Variants in ZNF281 observed in about 807,000 individuals in gnomAD.
ZNF281 encodes zinc finger protein 281.
A neutral mutation model predicts 58.8 loss-of-function variants in ZNF281; 2 were observed. The observed-to-expected ratio is 0.03, with a 90% confidence interval of 0.01 to 0.11. The LOEUF (loss-of-function observed/expected upper bound fraction) is 0.11, where lower values mean the gene tolerates loss of function less well. Among genes scored for constraint, ZNF281 ranks in the 10% least tolerant of loss-of-function variants. ZNF281 has a pLI of 1.00. For missense variants in ZNF281, 975 were observed against 1,090.7 expected, an observed-to-expected ratio of 0.89 and a Z score of 1.49; for synonymous variants, 465 against 407.7, an observed-to-expected ratio of 1.14 and a Z score of -1.69.
In ZNF281 at chr1:200,407,647, C is replaced by T; in HGVS notation, c.2059G>A (p.Gly687Arg). ...AAACTGACAAATTGGAAACCGTGTC[C>T]AAGAGTAAAACTTGCATTAGTGGAT... ...EKSTNASFTL[G>R]HGFQFVSLSS... The change falls in exon 2 of 2, where the codon GGA becomes AGA. Residue 687 changes from glycine to arginine, a missense_variant. By Grantham distance (125) the Gly-to-Arg change is moderately radical. Coordinates refer to ENST00000367353, the MANE Select transcript of ZNF281 (RefSeq NM_001281293.2). 6.2e-7 allele frequency: 1 copy of T among 1,614,136 alleles called. No individual in the cohort carries two copies.
Position 200,406,718 on chromosome 1 carries a change from G to A in ZNF281, c.*300C>T, listed in dbSNP as rs3204322. 7 of 154,186 alleles carry A rather than the reference G, an allele frequency of 4.5e-5. No homozygotes were observed. Among genetic ancestry groups the A allele is most frequent in the Admixed American group, 7.8e-5 (1 of 12,872 alleles). The allele number at this position is 154,186 out of a possible 1,614,324, so 9.6% of individuals were successfully genotyped here. ...GGTTTTTTTTTTTTGGTTTTTTTTT[G>A]TCTTTTTTTTTGCGTTTAAAACATT... On this transcript the variant is annotated 3_prime_UTR_variant, in exon 2 of 2. Transcript: ENST00000367353.
chr1:200,406,895 A>C lies in ZNF281; in HGVS notation c.*123T>G. 1 of 858,740 alleles carries C rather than the reference A, an allele frequency of 1.2e-6. No homozygotes were observed. The highest frequency in any genetic ancestry group is 1.7e-6 in the Non-Finnish European group (1 of 586,600). 53.2% of individuals were successfully genotyped at this position (858,740 alleles called of 1,614,324 possible). A position where few individuals can be genotyped will look rare whatever the true frequency, so the allele number is the denominator to read the frequency against. ...CTAACAAAATAAACTAAATATGAAA[A>C]GTTGCATTGAAAGGGCATCACATTA... On this transcript the variant is annotated 3_prime_UTR_variant, in exon 2 of 2. Transcript: ENST00000367353.
chr1:200,406,952 T>A lies in ZNF281; in HGVS notation c.*66A>T. 1 of 1,455,760 alleles carries A rather than the reference T, an allele frequency of 6.9e-7. No individual in the cohort carries two copies. Among genetic ancestry groups the A allele is most frequent in the Non-Finnish European group, 9.2e-7 (1 of 1,086,686 alleles). 90.2% of individuals were successfully genotyped at this position (1,455,760 alleles called of 1,614,324 possible). ...ATAGGATCGTGTAGAAACATTCCAA[T>A]GGCAGTGTTCTCAAAATAAAACAAA... is the stretch of plus-strand genomic sequence containing the variant. On this transcript the variant is annotated 3_prime_UTR_variant, in exon 2 of 2. Coordinates refer to ENST00000367353, the MANE Select transcript of ZNF281 (RefSeq NM_001281293.2).
Position 200,407,275 on chromosome 1 carries a change from C to G in ZNF281, c.2431G>C (p.Ala811Pro). The change falls in exon 2 of 2, where the codon GCT (alanine) becomes CCT (proline). Residue 811 changes from alanine (A) to proline (P), a missense_variant. Around this residue, in one of 3 missense-constraint regions of ZNF281, gnomAD observed 579 missense variants for 608.9 expected, o/e 0.95. Transcript: ENST00000367353. Reference sequence around the variant, plus strand: ...TCTTTCTGAGGATCTATCTGGCTAGCTAACTCCTGAGATGGAATCTGAAAG... The same window carrying G: ...TCTTTCTGAGGATCTATCTGGCTAGGTAACTCCTGAGATGGAATCTGAAAG... ...TGFQIPSQELASQIDPQKDIE... is the reference protein window; with the variant it reads ...TGFQIPSQELPSQIDPQKDIE... 6.2e-7 allele frequency: 1 copy of G among 1,614,190 alleles called. No individual in the cohort carries two copies. The highest frequency in any genetic ancestry group is 2.2e-5 in the East Asian group (1 of 44,884).
chr1:200,405,152 T>C lies in ZNF281; in HGVS notation c.*1866A>G, dbSNP rs1290436376. 2.0e-5 allele frequency: 3 copies of C among 152,512 alleles called. No individual in the cohort carries two copies. Among genetic ancestry groups the C allele is most frequent in the Admixed American group, 6.5e-5 (1 of 15,278 alleles). The allele number at this position is 152,512 out of a possible 1,614,324, so 9.4% of individuals were successfully genotyped here. ...ATTACAGCTTGTACTCTGTACTCAA[T>C]AGAACTTACCGCACTTACTGAAATA... On this transcript the variant is annotated 3_prime_UTR_variant, in exon 2 of 2. Transcript: ENST00000367353.
chr1:200,408,203 G>A lies in ZNF281; in HGVS notation c.1503C>T (p.Gly501=), dbSNP rs775474114. 25 of 1,613,190 alleles carry A rather than the reference G, an allele frequency of 1.5e-5. No individual in the cohort carries two copies. Among genetic ancestry groups the A allele is most frequent in the Non-Finnish European group, 5.9e-6 (7 of 1,180,006 alleles). The change falls in exon 2 of 2, where the codon GGC becomes GGT. Residue 501 remains glycine, a synonymous_variant. Coordinates refer to ENST00000367353, the MANE Select transcript of ZNF281 (RefSeq NM_001281293.2). The stretch of plus-strand genomic sequence containing the variant: ...TATTATTTGATACTATGCCAAGTGA[G>A]CCACTTGGTTTTCCAGACAAGGATT... ...GQKSLSGKPS[G]SLGIVSNNSV... is the part of the protein sequence containing the mutation.
chr1:200,408,404 C>A lies in ZNF281; in HGVS notation c.1302G>T (p.Met434Ile), dbSNP rs764422718. 6 of 1,614,020 alleles carry A rather than the reference C, an allele frequency of 3.7e-6. No individual in the cohort carries two copies. Among genetic ancestry groups the A allele is most frequent in the Non-Finnish European group, 5.1e-6 (6 of 1,180,028 alleles). Reference sequence around the variant, plus strand: ...TAGGCATTTCTACTGAGTAACTCTGCATGTTTATATTATTTGAAATTTGCG... The same window carrying A: ...TAGGCATTTCTACTGAGTAACTCTGAATGTTTATATTATTTGAAATTTGCG... ...NESQISNNIN[M>I]QSYSVEMPTV... Residue 434 changes from methionine to isoleucine, a missense_variant, in exon 2 of 2, where the codon ATG becomes ATT. This residue lies in a region of ZNF281 where 579 missense variants were observed against 608.9 expected (regional missense o/e 0.95). Transcript: ENST00000367353.
chr1:200,406,381 C>G lies in ZNF281; in HGVS notation c.*637G>C, dbSNP rs533978052. ...CTGGAATGAATGTGGTTTGGAAGTT[C>G]AGAGTACATTTAAAAGCTGCAACAA... On this transcript the variant is annotated 3_prime_UTR_variant, in exon 2 of 2. Transcript: ENST00000367353. 29 of 152,436 alleles carry G rather than the reference C, an allele frequency of 1.9e-4. No homozygotes were observed. Among genetic ancestry groups the G allele is most frequent in the African/African-American group, 7.0e-4 (29 of 41,418 alleles). 9.4% of individuals were successfully genotyped at this position (152,436 alleles called of 1,614,324 possible). A position where few individuals can be genotyped will look rare whatever the true frequency, so the allele number is the denominator to read the frequency against.
Position 200,407,210 on chromosome 1 carries a change from T to C in ZNF281, c.2496A>G (p.Ala832=). 1 of 1,614,228 alleles carries C rather than the reference T, an allele frequency of 6.2e-7. No homozygotes were observed. Among genetic ancestry groups the C allele is most frequent in the South Asian group, 1.1e-5 (1 of 91,088 alleles). The part of the protein sequence containing the change: ...PRTTYQIENF[A]QAFGSQFKSG... ...ACTTAAACTGAGAACCAAACGCTTG[T>C]GCAAAGTTCTCAATCTGATACGTTG... The change falls in exon 2 of 2, where the codon GCA becomes GCG. Residue 832 remains alanine, a synonymous_variant. Coordinates refer to ENST00000367353, the MANE Select transcript of ZNF281 (RefSeq NM_001281293.2).
rs1233364565 is a variant in ZNF281 at position 200,405,184 on chromosome 1, A to G, written c.*1834T>C. 6.6e-6 allele frequency: 1 copy of G among 152,384 alleles called. No individual in the cohort carries two copies. The highest frequency in any genetic ancestry group is 2.4e-5 in the African/African-American group (1 of 41,446). 9.4% of individuals were successfully genotyped at this position (152,384 alleles called of 1,614,324 possible). The stretch of plus-strand genomic sequence containing the variant: ...TACCGCACTTACTGAAATAAGAAAT[A>G]AACACTTTTTAGTACTCAGCGTATT... On this transcript the variant is annotated 3_prime_UTR_variant, in exon 2 of 2. Coordinates refer to ENST00000367353, the MANE Select transcript of ZNF281 (RefSeq NM_001281293.2).
rs762056916 is a variant in ZNF281, at chr1:200,408,830, G to C, written c.876C>G (p.Ser292Arg). The C allele has an allele frequency of 1.4e-5, 22 of 1,614,056 alleles. No homozygotes were observed. The highest frequency in any genetic ancestry group is 1.8e-5 in the Non-Finnish European group (21 of 1,180,042). The change falls in exon 2 of 2, where the codon AGC becomes AGG. Residue 292 changes from serine to arginine, a missense_variant. By Grantham distance (110) the Ser-to-Arg change is moderately radical (BLOSUM62 -1). Coordinates refer to ENST00000367353, the MANE Select transcript of ZNF281 (RefSeq NM_001281293.2). ...TCTGAATGAAACCCATACTACACTG[G>C]CTGCACTGGAAAGGTCTTTCTCCTG... ...IHTGERPFQC[S>R]QCSMGFIQKY...
rs938776961 is a variant in ZNF281 at position 200,405,470 on chromosome 1, G to A, written c.*1548C>T. The A allele has an allele frequency of 2.6e-5, 4 of 152,030 alleles. No homozygotes were observed. The highest frequency in any genetic ancestry group is 4.8e-5 in the African/African-American group (2 of 41,370). 9.4% of individuals were successfully genotyped at this position (152,030 alleles called of 1,614,324 possible). ...AAACAACCAGTGGTACTTTTCTGACGTCAGAAGAGTACATAAGACTGAAAC... is the reference window on the plus strand; with the variant it reads ...AAACAACCAGTGGTACTTTTCTGACATCAGAAGAGTACATAAGACTGAAAC... On this transcript the variant is annotated 3_prime_UTR_variant, in exon 2 of 2. Coordinates refer to ENST00000367353, the MANE Select transcript of ZNF281 (RefSeq NM_001281293.2).
chr1:200,409,432 G>C lies in ZNF281; in HGVS notation c.274C>G (p.Pro92Ala), dbSNP rs774579656. ...AAAGTCATGTCCGGGGCTGGCGGAGGGGGGGGCTCAGCGGCCGGGGCTGCG... is the reference window on the plus strand; with the variant it reads ...AAAGTCATGTCCGGGGCTGGCGGAGCGGGGGGCTCAGCGGCCGGGGCTGCG... ...TSAAPAAEPP[P>A]PPAPDMTFKK... is the part of the protein sequence containing the mutation. Residue 92 changes from proline to alanine, a missense_variant, in exon 2 of 2, where the codon CCT (proline) becomes GCT (alanine). Around this residue, in one of 3 missense-constraint regions of ZNF281, gnomAD observed 370 missense variants for 360.9 expected, o/e 1.03. Coordinates refer to ENST00000367353, the MANE Select transcript of ZNF281 (RefSeq NM_001281293.2). The C allele has an allele frequency of 6.3e-5, 96 of 1,523,072 alleles. No homozygotes were observed. The highest frequency in any genetic ancestry group is 3.5e-4 in the Middle Eastern group (2 of 5,688). The allele number at this position is 1,523,072 out of a possible 1,614,324, so 94.3% of individuals were successfully genotyped here. A position where few individuals can be genotyped will look rare whatever the true frequency, so the allele number is the denominator to read the frequency against.
At position 200,407,067 on chromosome 1, in the gene ZNF281, T is replaced by G. The variant is rs759053877; in HGVS notation, c.2639A>C (p.Glu880Ala). 13 of 1,613,942 alleles carry G rather than the reference T, an allele frequency of 8.1e-6. No individual in the cohort carries two copies. The highest frequency in any genetic ancestry group is 1.3e-5 in the African/African-American group (1 of 74,916). The change falls in exon 2 of 2, where the codon GAG (glutamate) becomes GCG (alanine). Residue 880 changes from glutamate (E) to alanine (A), a missense_variant. By Grantham distance (107) the Glu-to-Ala change is moderately radical. Coordinates refer to ENST00000367353, the MANE Select transcript of ZNF281 (RefSeq NM_001281293.2). ...TGTCTTTACTCTTGTACTACATGGC[T>G]CACTTACATCAGACATCATATTTGT... ...GYTNMMSDVSEPCSTRVKTPT... is the reference protein window; with the variant it reads ...GYTNMMSDVSAPCSTRVKTPT...
At position 200,409,065 on chromosome 1, in the gene ZNF281, T is replaced by C; in HGVS notation, c.641A>G (p.Gln214Arg). ...DDHHGTEEPK[Q>R]DTNVKKAKRP... ...TTTTGCCTTTTTGACATTAGTGTCC[T>C]GCTTTGGCTCCTCAGTGCCATGGTG... Residue 214 changes from glutamine to arginine, a missense_variant, in exon 2 of 2, where the codon CAG (glutamine) becomes CGG (arginine). Gln to Arg is a conservative substitution (Grantham distance 43, BLOSUM62 1). Transcript: ENST00000367353. The C allele has an allele frequency of 6.2e-7, 1 of 1,614,222 alleles. No homozygotes were observed.
chr1:200,407,912 G>A lies in ZNF281; in HGVS notation c.1794C>T (p.Asp598=). The change falls in exon 2 of 2, where the codon GAC becomes GAT. Residue 598 remains aspartate (D), a synonymous_variant. Transcript: ENST00000367353. ...ALNAEIKSCH[D]KSGIPDEVLQ... is the part of the protein sequence containing the mutation. Reference sequence around the variant, plus strand: ...AAACCTCATCAGGAATTCCAGACTTGTCATGACAAGATTTAATTTCAGCAT... The same window carrying A: ...AAACCTCATCAGGAATTCCAGACTTATCATGACAAGATTTAATTTCAGCAT... 6.2e-7 allele frequency: 1 copy of A among 1,614,110 alleles called. No individual in the cohort carries two copies. Among genetic ancestry groups the A allele is most frequent in the Non-Finnish European group, 8.5e-7 (1 of 1,180,024 alleles).
intron 1 of ZNF281, 106 bp from the exon 2 acceptor site, chr1:200,409,829 C>A: frequency 7.2e-7 from 1 of 1,380,998 alleles, no homozygotes; most frequent in Non-Finnish European, 9.6e-7. Flanking sequence ...GCCGCCCAGA[C>A]CGCAACGCGC....
Position 200,408,558 on chromosome 1 carries a change from G to A in ZNF281, c.1148C>T (p.Ser383Leu), listed in dbSNP as rs1176734480. 1 of 1,614,168 alleles carries A rather than the reference G, an allele frequency of 6.2e-7. No homozygotes were observed. Among genetic ancestry groups the A allele is most frequent in the Non-Finnish European group, 8.5e-7 (1 of 1,180,038 alleles). Residue 383 changes from serine (S) to leucine (L), a missense_variant, in exon 2 of 2, where the codon TCA (serine) becomes TTA (leucine). Ser to Leu is a moderately radical substitution (Grantham distance 145). Coordinates refer to ENST00000367353, the MANE Select transcript of ZNF281 (RefSeq NM_001281293.2). ...KGATSAEPGS[S>L]NHTNMGNLAV... Reference sequence around the variant, plus strand: ...CAGATTACCCATATTGGTATGGTTTGATGACCCAGGTTCTGCACTAGTGGC... The same window carrying A: ...CAGATTACCCATATTGGTATGGTTTAATGACCCAGGTTCTGCACTAGTGGC...
Position 200,409,175 on chromosome 1 carries a change from G to A in ZNF281, c.531C>T (p.Leu177=), listed in dbSNP as rs1426847737. ...EGGSHGVIQD[L]SILHQHVQQQ... ...GCTGGACATGCTGGTGGAGAATACT[G>A]AGGTCCTGGATGACGCCGTGACTCC... The change falls in exon 2 of 2, where the codon CTC becomes CTT. Residue 177 remains leucine (L), a synonymous_variant. Coordinates refer to ENST00000367353, the MANE Select transcript of ZNF281 (RefSeq NM_001281293.2). 3.7e-6 allele frequency: 6 copies of A among 1,614,144 alleles called. No homozygotes were observed. Among genetic ancestry groups the A allele is most frequent in the South Asian group, 1.1e-5 (1 of 91,078 alleles).
Sources: allele counts gnomAD v4.1 joint callset, GRCh38; gene constraint gnomAD v4.1.1; regional missense constraint gnomAD v4.1.1; transcripts MANE v1.5; gene names NCBI Gene and HGNC (gene_info 2026-07-23, HGNC 2026-07-21).